TSPAN5: variants seen among roughly 807,000 people sequenced by gnomAD.
The protein encoded by TSPAN5 is tetraspanin 5, also known as tetraspanin-5.
TSPAN5 carries 10 observed loss-of-function variants against 37.1 expected under a neutral mutation model. The observed-to-expected ratio is 0.27, with a 90% CI of 0.17 to 0.46. The LOEUF (loss-of-function observed/expected upper bound fraction) is 0.46. Among genes scored for constraint, TSPAN5 ranks in the 20% least tolerant of loss-of-function variants. The pLI is 1.00. For synonymous variants in TSPAN5, 110 were observed against 118.9 expected (o/e 0.93, Z 0.48); for missense variants, 195 against 326.6 (o/e 0.60, Z 3.11).
chr4:98,537,142 G>GA (rs1754253734), intron 1 of TSPAN5, among the ~76,000 whole-genome samples: 1 of 152,222 alleles, frequency 6.6e-6, no homozygotes, highest in Non-Finnish European at 1.5e-5. Flanking sequence ...GCACCGGAGG[G>GA]AATCTCCTGG....
chr4:98,579,379 C>A (rs1755318895), intron 1 of TSPAN5, among the ~76,000 whole-genome samples: 1 of 152,144 alleles, frequency 6.6e-6, no homozygotes, highest in Admixed American at 6.5e-5. Context: ...ATTTCTGGAG[C>A]CCTGTACTAT....
At chr4:98,628,802 A>G (rs774145422) in intron 1 of TSPAN5, among the ~76,000 whole-genome samples, 2 of 152,226 alleles carry the variant, frequency 1.3e-5, no homozygotes, top group South Asian at 2.1e-4. Context: ...CTGATATATC[A>G]AAACTGAGCT....
intron 1 of TSPAN5, among the ~76,000 whole-genome samples, chr4:98,531,645 CTTCCACAGTAG>C (rs1754092724): frequency 6.6e-6 from 1 of 152,206 alleles, no homozygotes; most frequent in Non-Finnish European, 1.5e-5. Flanking sequence ...GCCACACTGT[CTTCCACAGTAG>C]TTGAACTAAT....
rs1434268244 is a variant in TSPAN5, at chr4:98,471,500, T to C, written c.*1022A>G. 1 of 152,180 alleles carries C rather than the reference T, an allele frequency of 6.6e-6. No homozygotes were observed. Among genetic ancestry groups the C allele is most frequent in the Non-Finnish European group, 1.5e-5 (1 of 68,034 alleles). The allele number at this position is 152,180 out of a possible 1,614,324, so 9.4% of individuals were successfully genotyped here. ...CTGACCAAATAACATATTTCAATGT[T>C]TGTAGAAAAGCTGGCAGGAAAGGGA... On this transcript the variant is annotated 3_prime_UTR_variant, in exon 8 of 8. Transcript: ENST00000305798.
intron 3 of TSPAN5, chr4:98,484,264 G>C: frequency 8.3e-6 from 3 of 363,162 alleles, no homozygotes; most frequent in Middle Eastern, 9.8e-4. Flanking sequence ...CTAGAGCCTC[G>C]GTCAACCAAG....
chr4:98,581,998 G>A (rs1755379023), intron 1 of TSPAN5, among the ~76,000 whole-genome samples: 2 of 152,176 alleles, frequency 1.3e-5, no homozygotes, highest in African/African-American at 4.8e-5. Flanking sequence ...GGCCACCCCA[G>A]AGATCTGTTC....
intron 3 of TSPAN5, chr4:98,483,468 G>C (rs1320379401): frequency 6.6e-6 from 1 of 152,274 alleles, no homozygotes; most frequent in African/African-American, 2.4e-5. Context: ...GGGCTTTGCA[G>C]AAACAAGGAT....
chr4:98,491,307 T>C lies in TSPAN5; in HGVS notation c.133-4423A>G, dbSNP rs1168023424. 2.0e-5 allele frequency among the ~76,000 whole-genome samples: 3 copies of C among 152,200 alleles called. No individual in the cohort carries two copies. The East Asian group carries it at 5.8e-4, about 29-fold the overall frequency. On this transcript the variant is annotated intron_variant, in intron 2 of 7. Coordinates refer to ENST00000305798, the MANE Select transcript of TSPAN5 (RefSeq NM_005723.4). Reference sequence around the variant, plus strand: ...AAGTCAATGCCCAATGGCCAGTATTTTTCCCCTTGGGATTAGGGAAAATTA... The same window carrying C: ...AAGTCAATGCCCAATGGCCAGTATTCTTCCCCTTGGGATTAGGGAAAATTA...
chr4:98,485,871 T>C (rs1285981770), intron 3 of TSPAN5, among the ~76,000 whole-genome samples: 1 of 150,890 alleles, frequency 6.6e-6, no homozygotes, highest in Non-Finnish European at 1.5e-5. Context: ...AACTGTTCTC[T>C]AGAAATCTCC....
chr4:98,547,883 T>C (rs1295786046), intron 1 of TSPAN5, among the ~76,000 whole-genome samples: 2 of 151,634 alleles, frequency 1.3e-5, no homozygotes, highest in Admixed American at 6.6e-5. Context: ...TGGGTGCCTG[T>C]AATCCCAGCT....
At chr4:98,610,493 T>G (rs1756156543) in intron 1 of TSPAN5, among the ~76,000 whole-genome samples, 1 of 152,166 alleles carries the variant, frequency 6.6e-6, no homozygotes. Context: ...CCCTCCTATT[T>G]GAGGTTCAAA....
intron 1 of TSPAN5, among the ~76,000 whole-genome samples, chr4:98,657,167 T>C (rs1015593353): frequency 1.3e-5 from 2 of 152,136 alleles, no homozygotes; most frequent in Non-Finnish European, 2.9e-5. Context: ...ACTCTTTGTC[T>C]GGCTGCTGAA....
At chr4:98,498,149 C>G (rs1198112152) in intron 2 of TSPAN5, among the ~76,000 whole-genome samples, 1 of 152,128 alleles carries the variant, frequency 6.6e-6, no homozygotes, top group African/African-American at 2.4e-5. Context: ...CACTGGGCTA[C>G]CTGGACTACT....
intron 1 of TSPAN5, among the ~76,000 whole-genome samples, chr4:98,541,311 G>C (rs1217577683): frequency 6.6e-6 from 1 of 152,156 alleles, no homozygotes; most frequent in East Asian, 1.9e-4. Flanking sequence ...AACTCTGAGA[G>C]GCTCATTTCC....
rs1416003563 is a variant in TSPAN5 at position 98,471,171 on chromosome 4, G to A, written c.*1351C>T. 6.6e-6 allele frequency: 1 copy of A among 152,182 alleles called. No individual in the cohort carries two copies. Among genetic ancestry groups the A allele is most frequent in the Non-Finnish European group, 1.5e-5 (1 of 68,040 alleles). 9.4% of individuals were successfully genotyped at this position (152,182 alleles called of 1,614,324 possible). A position where few individuals can be genotyped will look rare whatever the true frequency, so the allele number is the denominator to read the frequency against. ...TTGATACCATCCTGATGGTTAGTCT[G>A]CAATAAGAGAACTGAAGGAGCTATG... On this transcript the variant is annotated 3_prime_UTR_variant, in exon 8 of 8. Transcript: ENST00000305798.
At chr4:98,500,802 G>A (rs1163502525) in intron 2 of TSPAN5, among the ~76,000 whole-genome samples, 1 of 152,168 alleles carries the variant, frequency 6.6e-6, no homozygotes, top group Non-Finnish European at 1.5e-5. Flanking sequence ...CATTGTGGTA[G>A]GAACTGAGAA....
At chr4:98,610,460 G>A (rs1272639510) in intron 1 of TSPAN5, among the ~76,000 whole-genome samples, 3 of 152,208 alleles carry the variant, frequency 2.0e-5, no homozygotes, top group Admixed American at 2.0e-4. Flanking sequence ...ACAACTTAAT[G>A]ACAGGTAAAT....
At chr4:98,479,949 A>AC (rs531871463) in intron 4 of TSPAN5, among the ~76,000 whole-genome samples, 37 of 152,260 alleles carry the variant, frequency 2.4e-4, no homozygotes, top group African/African-American at 5.3e-4. Flanking sequence ...TAATCAAATG[A>AC]CCTAAATCCC....
intron 1 of TSPAN5, among the ~76,000 whole-genome samples, chr4:98,578,675 C>T (rs1755301414): frequency 6.6e-6 from 1 of 152,180 alleles, no homozygotes; most frequent in African/African-American, 2.4e-5. Flanking sequence ...CCACCTCGGC[C>T]TCCCAAAGTG....
Sources: gnomAD v4.1 joint callset for allele counts (sites outside exome capture counted in the v4.1 genomes callset) on GRCh38, gnomAD v4.1.1 for gene constraint, MANE v1.5 for transcripts, NCBI Gene and HGNC (gene_info 2026-07-23, HGNC 2026-07-21) for gene names.